The following FHIP2B variants were observed in gnomAD, a reference collection of about 807,000 sequenced individuals.
The protein encoded by FHIP2B is FHF complex subunit HOOK-interacting protein 2B.
A neutral mutation model predicts 84.0 loss-of-function variants in FHIP2B; 72 were observed. The observed-to-expected ratio is 0.86, with a 90% CI of 0.71 to 1.04. The LOEUF (loss-of-function observed/expected upper bound fraction) is 1.04, where lower values mean the gene tolerates loss of function less well. FHIP2B is among the 50% of genes least tolerant of loss of function. The probability of loss-of-function intolerance (pLI) is 0.00; values close to 1 mark genes in which losing one functional copy is unlikely to be tolerated. For missense variants in FHIP2B, 972 were observed against 968.9 expected, an observed-to-expected ratio of 1.00 and a Z score of -0.04; for synonymous variants, 497 against 418.7, an observed-to-expected ratio of 1.19 and a Z score of -2.28.
intron 8 of FHIP2B, 60 bp downstream of exon 8, chr8:22,099,116 G>A (rs1825958064): frequency 3.3e-6 from 5 of 1,514,774 alleles, no homozygotes; most frequent in Non-Finnish European, 3.6e-6. Flanking sequence ...TCTCCATCTC[G>A]AGGACCAAGT....
At chr8:22,102,673 GA>G in intron 16 of FHIP2B, 45 bp downstream of exon 16, 2 of 1,569,550 alleles carry the variant, frequency 1.3e-6, no homozygotes, top group Non-Finnish European at 1.7e-6. Context: ...TGGGAGAGTG[GA>G]AAGCGCCTCT....
chr8:22,090,342 C>T (rs1422173802), intron 1 of FHIP2B, among the ~76,000 whole-genome samples: 1 of 152,198 alleles, frequency 6.6e-6, no homozygotes, highest in African/African-American at 2.4e-5. Flanking sequence ...ATGGGAGCTC[C>T]TGTTGAAAGA....
intron 1 of FHIP2B, among the ~76,000 whole-genome samples, 186 bp from the exon 2 acceptor site, chr8:22,094,254 C>T (rs1014587992): frequency 1.3e-5 from 2 of 152,126 alleles, no homozygotes; most frequent in Non-Finnish European, 2.9e-5. Flanking sequence ...GTCAGGAGAT[C>T]CTTGGCAAGA....
At position 22,097,707 on chromosome 8, in the gene FHIP2B, GC is replaced by G; in HGVS notation, c.403-9del. The G allele has an allele frequency of 6.2e-7, 1 of 1,612,444 alleles. No individual in the cohort carries two copies. Among genetic ancestry groups the G allele is most frequent in the African/African-American group, 1.3e-5 (1 of 75,022 alleles). On this transcript the variant is annotated splice_polypyrimidine_tract_variant and intron_variant, in intron 4 of 16. Coordinates refer to ENST00000289921, the MANE Select transcript of FHIP2B (RefSeq NM_022749.7). ...CTCTCCCCTCTGTTTCTGTCCTGGT[GC>G]TCTTCCAGAAACTCCTCCGACTTGG...
chr8:22,098,879 A>T, intron 7 of FHIP2B, 69 bp from the exon 8 acceptor site: 1 of 1,331,210 alleles, frequency 7.5e-7, no homozygotes, highest in Non-Finnish European at 1.1e-6. Flanking sequence ...GCCCAGTTTC[A>T]GGACACATTG....
chr8:22,096,416 G>A lies in FHIP2B; in HGVS notation c.204G>A (p.Gln68=). Residue 68 remains glutamine (Q), a synonymous_variant, in exon 3 of 17, where the codon CAG becomes CAA. Coordinates refer to ENST00000289921, the MANE Select transcript of FHIP2B (RefSeq NM_022749.7). The stretch of plus-strand genomic sequence containing the variant: ...TGGATATCCTGGTGTATGAAGAGCA[G>A]CAGCAGGCGGCCGCGGGTGAGGCAG... ...QMLDILVYEE[Q]QQAAAGEAGP... is the part of the protein sequence containing the mutation. 2 of 1,556,596 alleles carry A rather than the reference G, an allele frequency of 1.3e-6. No homozygotes were observed. Among genetic ancestry groups the A allele is most frequent in the Non-Finnish European group, 1.7e-6 (2 of 1,150,018 alleles).
chr8:22,103,075 C>T lies in FHIP2B; in HGVS notation c.*144C>T. The T allele has an allele frequency of 6.4e-6, 7 of 1,089,272 alleles. No homozygotes were observed. Among genetic ancestry groups the T allele is most frequent in the Non-Finnish European group, 9.0e-6 (7 of 780,984 alleles). The allele number at this position is 1,089,272 out of a possible 1,614,324, so 67.5% of individuals were successfully genotyped here. ...AGGAGACTGCGGCATGTTGACCACA[C>T]CAGACTGGGTTTCAGGGAATGGGCA... On this transcript the variant is annotated 3_prime_UTR_variant, in exon 17 of 17. Coordinates refer to ENST00000289921, the MANE Select transcript of FHIP2B (RefSeq NM_022749.7).
At chr8:22,094,355 G>T in intron 1 of FHIP2B, 85 bp from the exon 2 acceptor site, 1 of 1,388,316 alleles carries the variant, frequency 7.2e-7, no homozygotes, top group South Asian at 1.4e-5. Context: ...GCATGAACCT[G>T]ACACTCAGAA....
intron 1 of FHIP2B, among the ~76,000 whole-genome samples, chr8:22,093,706 G>GTTTTTTT (rs1328224891): frequency 8.8e-4 from 32 of 36,184 alleles, no homozygotes; most frequent in South Asian, 2.9e-3. Context: ...GAAAAGCTTT[G>GTTTTTTT]TCTTTTTTTT....
Position 22,099,157 on chromosome 8 carries a change from G to C in FHIP2B, c.1074+101G>C. 2.7e-6 allele frequency: 4 copies of C among 1,490,386 alleles called. No homozygotes were observed. The South Asian group carries it at 4.8e-5, about 18-fold the overall frequency. The allele number at this position is 1,490,386 out of a possible 1,614,324, so 92.3% of individuals were successfully genotyped here. A position where few individuals can be genotyped will look rare whatever the true frequency, so the allele number is the denominator to read the frequency against. On this transcript the variant is annotated intron_variant, in intron 8 of 16. Transcript: ENST00000289921. ...AGGGACATGGAAACATGGGGTCCAG[G>C]AGCTAAGCGGGGCCCCAGGCGGGCC...
In FHIP2B at chr8:22,103,269, GACTCA is replaced by G. The variant is rs1826225594; in HGVS notation, c.*343_*347del. 3.9e-6 allele frequency: 1 copy of G among 258,504 alleles called. No homozygotes were observed. The highest frequency in any genetic ancestry group is 7.4e-6 in the Non-Finnish European group (1 of 134,644). 16.0% of individuals were successfully genotyped at this position (258,504 alleles called of 1,614,324 possible). ...CATTTGTGGCCAGGGCCAAGCCTGT[GACTCA>G]ACTCCAGGGGCAAGATGGGGAGTGA... is the stretch of plus-strand genomic sequence containing the variant. On this transcript the variant is annotated 3_prime_UTR_variant, in exon 17 of 17. Transcript: ENST00000289921.
At chr8:22,090,145 C>T (rs1455905681) in intron 1 of FHIP2B, among the ~76,000 whole-genome samples, 1 of 43,062 alleles carries the variant, frequency 2.3e-5, no homozygotes, top group Non-Finnish European at 4.3e-5. Context: ...GGGGTATTCC[C>T]GGTAGGGTGG....
At chr8:22,097,946 C>G in intron 5 of FHIP2B, 107 bp downstream of exon 5, 1 of 1,546,966 alleles carries the variant, frequency 6.5e-7, no homozygotes, top group Non-Finnish European at 8.7e-7. Context: ...CCGGGAGGCA[C>G]GCAGGCAGCT....
intron 12 of FHIP2B, 137 bp from the exon 13 acceptor site, chr8:22,101,303 A>G (rs561769567): frequency 4.4e-5 from 32 of 725,156 alleles, no homozygotes; most frequent in African/African-American, 1.8e-4. Flanking sequence ...GATTACAGAC[A>G]TGAGCCACCG....
In FHIP2B at chr8:22,097,718, AACTCCTCCG is replaced by A; in HGVS notation, c.408_416del (p.Leu137_Leu139del). ...GTTTCTGTCCTGGTGCTCTTCCAGA[AACTCCTCCG>A]ACTTGGTGGGACTGCTTCCGGATCC... On this transcript the variant is annotated inframe_deletion and splice_region_variant, in exon 5 of 17. Transcript: ENST00000289921. The A allele has an allele frequency of 6.2e-7, 1 of 1,612,820 alleles. No homozygotes were observed. Among genetic ancestry groups the A allele is most frequent in the Non-Finnish European group, 8.5e-7 (1 of 1,179,584 alleles).
intron 16 of FHIP2B, 32 bp from the exon 17 acceptor site, chr8:22,102,761 C>A: frequency 6.2e-7 from 1 of 1,610,416 alleles, no homozygotes; most frequent in Non-Finnish European, 8.5e-7. Context: ...CTGCCCCCAC[C>A]CAGCCATGCC....
intron 1 of FHIP2B, among the ~76,000 whole-genome samples, chr8:22,092,888 A>G (rs1219840713): frequency 1.3e-5 from 2 of 152,074 alleles, no homozygotes; most frequent in Non-Finnish European, 2.9e-5. Flanking sequence ...GCGGCCTCAC[A>G]CTACTTCCTT....
chr8:22,092,306 G>A (rs150515565), intron 1 of FHIP2B, among the ~76,000 whole-genome samples: 1,736 of 152,344 alleles, frequency 0.011, 7 homozygotes, highest in Non-Finnish European at 0.013. Flanking sequence ...ATGGCCGGGT[G>A]TGGTGGCTCA....
At chr8:22,089,721 G>GA (rs1402117174) in intron 1 of FHIP2B, 2 of 1,231,764 alleles carry the variant, frequency 1.6e-6, no homozygotes, top group South Asian at 2.6e-5. Flanking sequence ...GCCTGGGCTT[G>GA]AAAAAATCGC....
Sources: allele counts gnomAD v4.1 joint callset (sites outside exome capture counted in the v4.1 genomes callset), GRCh38; gene constraint gnomAD v4.1.1; transcripts MANE v1.5; gene names NCBI Gene and HGNC (gene_info 2026-07-23, HGNC 2026-07-21).